Variants in EIF4E observed in about 807,000 individuals in gnomAD.
EIF4E encodes eIF-4F 25 kDa subunit.
For synonymous variants in EIF4E, 71 were observed against 88.5 expected (o/e 0.80, Z 1.11); for missense variants, 113 against 265.6 (o/e 0.43, Z 3.99).
At chr4:98,917,937 G>A (rs992783611) in intron 1 of EIF4E, among the ~76,000 whole-genome samples, 2 of 151,556 alleles carry the variant, frequency 1.3e-5, no homozygotes, top group Non-Finnish European at 2.9e-5. Context: ...TTAGCCGGGC[G>A]TGGTGGCGCA....
At chr4:98,903,550 G>A in intron 1 of EIF4E, 1 of 445,824 alleles carries the variant, frequency 2.2e-6, no homozygotes, top group Non-Finnish European at 4.5e-6. Flanking sequence ...CACCATGTTG[G>A]CCAGGCTGGT....
At chr4:98,891,780 T>A (rs1307995817) in intron 2 of EIF4E, among the ~76,000 whole-genome samples, 1 of 152,198 alleles carries the variant, frequency 6.6e-6, no homozygotes, top group Non-Finnish European at 1.5e-5. Flanking sequence ...TTAAAAATAG[T>A]TAATACTGTA....
chr4:98,910,429 A>T (rs1725072982), intron 1 of EIF4E, among the ~76,000 whole-genome samples: 1 of 152,238 alleles, frequency 6.6e-6, no homozygotes, highest in Admixed American at 6.5e-5. Flanking sequence ...AATAACAAAA[A>T]ATCACTAGTA....
chr4:98,917,435 G>GA (rs1725436473), intron 1 of EIF4E, among the ~76,000 whole-genome samples: 1 of 151,746 alleles, frequency 6.6e-6, no homozygotes, highest in African/African-American at 2.4e-5. Context: ...CTGGTTTCCC[G>GA]AAAAAGGGCT....
chr4:98,901,267 A>G (rs1443843453), intron 2 of EIF4E, among the ~76,000 whole-genome samples: 1 of 149,694 alleles, frequency 6.7e-6, no homozygotes, highest in Non-Finnish European at 1.5e-5. Context: ...GCGCGATCTC[A>G]GTTCACTGCA....
At chr4:98,915,386 TA>T (rs1422315800) in intron 1 of EIF4E, among the ~76,000 whole-genome samples, 3 of 152,082 alleles carry the variant, frequency 2.0e-5, no homozygotes, top group Non-Finnish European at 2.9e-5. Context: ...GATTACAGAT[TA>T]TTTTTTCACA....
chr4:98,901,410 G>A (rs1724642970), intron 2 of EIF4E, among the ~76,000 whole-genome samples: 1 of 152,072 alleles, frequency 6.6e-6, no homozygotes, highest in South Asian at 2.1e-4. Flanking sequence ...TGTTGGCCAG[G>A]TTGGTCTCAA....
chr4:98,910,153 T>C (rs147252320), intron 1 of EIF4E, among the ~76,000 whole-genome samples: 3,588 of 152,284 alleles, frequency 0.024, 124 homozygotes, highest in African/African-American at 0.082. Flanking sequence ...GCATCACTCA[T>C]GAAAGTGTGG....
intron 6 of EIF4E, among the ~76,000 whole-genome samples, chr4:98,884,032 C>G (rs1399408241): frequency 8.0e-6 from 1 of 125,498 alleles, no homozygotes; most frequent in Non-Finnish European, 1.7e-5. Context: ...CAGTGAGACC[C>G]TGTCTCAAAA....
chr4:98,911,873 T>C (rs1159881802), intron 1 of EIF4E, among the ~76,000 whole-genome samples: 1 of 150,390 alleles, frequency 6.6e-6, no homozygotes, highest in Non-Finnish European at 1.5e-5. Context: ...AGATGTGTGA[T>C]CTAGGATGAC....
In EIF4E at chr4:98,919,549, ATTCT is replaced by A. The variant is rs1175057588; in HGVS notation, c.18+9542_18+9545del. ...CATTTGCACACACCAGAATTTCTAG[ATTCT>A]TTTTCTTTTTTTTTTTTTTTTTTGA... On this transcript the variant is annotated intron_variant, in intron 1 of 6. Coordinates refer to ENST00000450253, the MANE Select transcript of EIF4E (RefSeq NM_001968.5). Among the ~76,000 whole-genome samples, 542 of 148,738 alleles carry A rather than the reference ATTCT, an allele frequency of 3.6e-3. 3 individuals are homozygous for A. The highest frequency in any genetic ancestry group is 0.012 in the African/African-American group (500 of 40,396).
Position 98,924,632 on chromosome 4 carries a change from C to T in EIF4E, c.18+4463G>A, listed in dbSNP as rs768945401. ...TCTTTTTGATGGAGTCTTGCTCTGT[C>T]GCCCAGGCTGAAGTACAGTGGTACC... On this transcript the variant is annotated intron_variant, in intron 1 of 6. Transcript: ENST00000450253. 6.6e-5 allele frequency among the ~76,000 whole-genome samples: 10 copies of T among 151,578 alleles called. No homozygotes were observed. In the Middle Eastern group the frequency reaches 0.024, roughly 363 times the overall value.
intron 1 of EIF4E, among the ~76,000 whole-genome samples, chr4:98,917,783 C>T (rs953972059): frequency 6.6e-6 from 1 of 152,136 alleles, no homozygotes; most frequent in Admixed American, 6.6e-5. Context: ...CAGTTTACTA[C>T]TCTAAAACCT....
chr4:98,929,120 C>G lies in EIF4E; in HGVS notation c.-8G>C. On this transcript the variant is annotated 5_prime_UTR_variant, in exon 1 of 7. Transcript: ENST00000450253. The stretch of plus-strand genomic sequence containing the variant: ...CGGTTCGACAGTCGCCATCTTAGAT[C>G]GATCTGATCGCACAACCGCTCCAGA... 1.3e-6 allele frequency: 2 copies of G among 1,570,742 alleles called. No homozygotes were observed. Among genetic ancestry groups the G allele is most frequent in the Non-Finnish European group, 1.7e-6 (2 of 1,157,510 alleles).
intron 1 of EIF4E, among the ~76,000 whole-genome samples, chr4:98,911,476 A>G (rs933453963): frequency 1.3e-5 from 2 of 149,758 alleles, no homozygotes; most frequent in South Asian, 2.1e-4. Context: ...CCTGACCAAC[A>G]TGGAGAAATC....
chr4:98,920,434 A>G (rs1449986814), intron 1 of EIF4E, among the ~76,000 whole-genome samples: 1 of 151,962 alleles, frequency 6.6e-6, no homozygotes, highest in Non-Finnish European at 1.5e-5. Flanking sequence ...AGCTGGGACT[A>G]CAGGCACCCA....
intron 1 of EIF4E, among the ~76,000 whole-genome samples, chr4:98,917,564 T>G (rs2110218142): frequency 6.6e-6 from 1 of 152,282 alleles, no homozygotes; most frequent in East Asian, 1.9e-4. Flanking sequence ...AACATCTAGC[T>G]TTTTAGTTTT....
At chr4:98,892,075 G>C (rs988322752) in intron 2 of EIF4E, among the ~76,000 whole-genome samples, 1 of 152,058 alleles carries the variant, frequency 6.6e-6, no homozygotes, top group African/African-American at 2.4e-5. Context: ...AGCTGGGCGC[G>C]GTGGTTCACG....
At chr4:98,897,594 T>A (rs1452634672) in intron 2 of EIF4E, among the ~76,000 whole-genome samples, 1 of 152,116 alleles carries the variant, frequency 6.6e-6, no homozygotes, top group Non-Finnish European at 1.5e-5. Flanking sequence ...ATGACTTTGA[T>A]GAGGCAATAA....
Sources: gnomAD v4.1 joint callset for allele counts (sites outside exome capture counted in the v4.1 genomes callset) on GRCh38, gnomAD v4.1.1 for gene constraint, MANE v1.5 for transcripts, NCBI Gene and HGNC (gene_info 2026-07-23, HGNC 2026-07-21) for gene names.